The following OCA2 variants were observed in gnomAD, a reference collection of about 807,000 sequenced individuals.
OCA2 encodes the protein P protein.
A neutral mutation model predicts 100.2 loss-of-function variants in OCA2; 77 were observed. The ratio of observed to expected loss-of-function variants is 0.77; its 90% CI spans 0.64 to 0.93. OCA2 has a LOEUF of 0.93. OCA2 is among the 40% of genes least tolerant of loss of function. The probability of loss-of-function intolerance (pLI) is 0.00; values close to 1 mark genes in which losing one functional copy is unlikely to be tolerated. For synonymous variants in OCA2, 432 were observed against 439.2 expected (o/e 0.98, Z 0.21); for missense variants, 1,062 against 1,089.1 (o/e 0.98, Z 0.35).
chr15:27,995,236 G>A (rs978637559), intron 9 of OCA2, among the ~76,000 whole-genome samples: 2 of 152,160 alleles, frequency 1.3e-5, no homozygotes, highest in South Asian at 2.1e-4. Context: ...AACAGCAGAC[G>A]TGAACAGCAC....
chr15:27,747,313 A>C, the OCA2 span, among the ~76,000 whole-genome samples: 1 of 152,204 alleles, frequency 6.6e-6, no homozygotes, highest in African/African-American at 2.4e-5. Flanking sequence ...GAAAATGTAA[A>C]AGTCAGAAAT....
At chr15:27,767,493 A>G in intron 23 of OCA2, among the ~76,000 whole-genome samples, 1 of 151,910 alleles carries the variant, frequency 6.6e-6, no homozygotes, top group East Asian at 1.9e-4. Flanking sequence ...AGGATTGTAA[A>G]TGCACCAGTC....
chr15:27,939,149 A>T (rs2039560077), intron 18 of OCA2, among the ~76,000 whole-genome samples: 1 of 152,262 alleles, frequency 6.6e-6, no homozygotes, highest in African/African-American at 2.4e-5. Context: ...ACTCATGTGA[A>T]CTAGAACATC....
chr15:27,808,817 A>T (rs1356066251), intron 23 of OCA2, among the ~76,000 whole-genome samples: 3 of 152,070 alleles, frequency 2.0e-5, no homozygotes, highest in Admixed American at 6.5e-5. Flanking sequence ...TCCCTATGGA[A>T]TTGTCACAAG....
In OCA2 at chr15:28,065,211, T is replaced by A. The variant is rs140699270; in HGVS notation, c.227+16437A>T. On this transcript the variant is annotated intron_variant, in intron 2 of 23. Transcript: ENST00000354638. ...ACTAAGATTAAGCTTGAGGTGAAAG[T>A]TTAGGGTTTTCTATGGTCTTTTCTG... 1.2e-3 allele frequency among the ~76,000 whole-genome samples: 188 copies of A among 152,196 alleles called. 4 individuals carry two copies. The highest frequency in any genetic ancestry group is 0.012 in the Admixed American group (187 of 15,288).
chr15:28,082,424 C>T (rs933260049), intron 1 of OCA2, among the ~76,000 whole-genome samples: 2 of 152,180 alleles, frequency 1.3e-5, no homozygotes, highest in African/African-American at 4.8e-5. Context: ...GGAAGGTCTG[C>T]AGCATCATTC....
At chr15:28,003,762 G>A (rs1250638901) in intron 9 of OCA2, among the ~76,000 whole-genome samples, 1 of 152,156 alleles carries the variant, frequency 6.6e-6, no homozygotes, top group Non-Finnish European at 1.5e-5. Context: ...CGACGTCCAC[G>A]AGGGTGGCGG....
chr15:27,978,038 C>G (rs1350244990), intron 14 of OCA2, among the ~76,000 whole-genome samples: 1 of 152,220 alleles, frequency 6.6e-6, no homozygotes, highest in Non-Finnish European at 1.5e-5. Flanking sequence ...TAATTTCAAT[C>G]TCACTTTCTT....
chr15:27,987,108 C>G (rs2041381153), intron 11 of OCA2, among the ~76,000 whole-genome samples: 1 of 152,136 alleles, frequency 6.6e-6, no homozygotes, highest in African/African-American at 2.4e-5. Context: ...ATTTTGTTTT[C>G]TAAAATAATT....
intron 19 of OCA2, among the ~76,000 whole-genome samples, chr15:27,911,105 T>C (rs1177635943): frequency 1.3e-5 from 2 of 152,226 alleles, no homozygotes; most frequent in African/African-American, 4.8e-5. Context: ...TCCTTTCATA[T>C]ACATTTCTGT....
At chr15:27,771,516 G>A (rs2031864625) in intron 23 of OCA2, among the ~76,000 whole-genome samples, 1 of 152,224 alleles carries the variant, frequency 6.6e-6, no homozygotes, top group Non-Finnish European at 1.5e-5. Flanking sequence ...GCCGAGTCCA[G>A]CTGAGGTGGC....
chr15:28,024,740 G>T, intron 5 of OCA2, 105 bp downstream of exon 5: 1 of 1,179,412 alleles, frequency 8.5e-7, no homozygotes, highest in Non-Finnish European at 1.3e-6. Context: ...GGCGAAGAGG[G>T]CCAGGCACTG....
At chr15:27,880,970 G>T (rs923873838) in intron 19 of OCA2, among the ~76,000 whole-genome samples, 1 of 152,020 alleles carries the variant, frequency 6.6e-6, no homozygotes, top group East Asian at 1.9e-4. Flanking sequence ...TTTGCCCCTT[G>T]TCTAGTATGA....
At chr15:27,906,650 A>C (rs1483220074) in intron 19 of OCA2, among the ~76,000 whole-genome samples, 1 of 152,192 alleles carries the variant, frequency 6.6e-6, no homozygotes, top group Non-Finnish European at 1.5e-5. Flanking sequence ...TCAAGGCCGC[A>C]CGCAAAACAA....
At chr15:27,926,676 C>T (rs2039055104) in intron 18 of OCA2, among the ~76,000 whole-genome samples, 1 of 152,152 alleles carries the variant, frequency 6.6e-6, no homozygotes, top group African/African-American at 2.4e-5. Flanking sequence ...CCAGGCTGGG[C>T]TGCAGTTCAG....
chr15:27,791,291 G>A (rs2033068255), intron 23 of OCA2, among the ~76,000 whole-genome samples: 1 of 152,126 alleles, frequency 6.6e-6, no homozygotes, highest in Non-Finnish European at 1.5e-5. Context: ...TTCAAATGAT[G>A]AAAAGACACT....
chr15:28,022,688 G>A, intron 5 of OCA2, 115 bp from the exon 6 acceptor site: 6 of 752,644 alleles, frequency 8.0e-6, no homozygotes, highest in Non-Finnish European at 1.4e-5. Flanking sequence ...TGTGCATCCA[G>A]TACGCGCCAG....
chr15:27,895,807 C>T, intron 19 of OCA2: 1 of 439,472 alleles, frequency 2.3e-6, no homozygotes, highest in Non-Finnish European at 4.2e-6. Context: ...CTTGGAAATG[C>T]TTGGTGATAC....
chr15:28,097,044 G>T (rs1234953014), intron 1 of OCA2, among the ~76,000 whole-genome samples: 1 of 152,216 alleles, frequency 6.6e-6, no homozygotes, highest in African/African-American at 2.4e-5. Flanking sequence ...TGCCGCTGTA[G>T]TTCGGTGTCC....
Sources: gnomAD v4.1 joint callset for allele counts (sites outside exome capture counted in the v4.1 genomes callset) on GRCh38, gnomAD v4.1.1 for gene constraint, MANE v1.5 for transcripts, NCBI Gene and HGNC (gene_info 2026-07-23, HGNC 2026-07-21) for gene names.